The following NEGR1 variants were observed in gnomAD, a reference collection of about 807,000 sequenced individuals.
The protein encoded by NEGR1 is IgLON family member 4.
In NEGR1, 10 loss-of-function variants were observed where a neutral mutation model predicts 40.9. The ratio of observed to expected loss-of-function variants is 0.24; its 90% confidence interval spans 0.15 to 0.42. The LOEUF is 0.42. NEGR1 is among the 10% of genes least tolerant of loss of function. The pLI, the probability that NEGR1 is intolerant of heterozygous loss-of-function variation, is 1.00. For synonymous variants in NEGR1, 185 were observed against 166.8 expected, an observed-to-expected ratio of 1.11 and a Z score of -0.84; for missense variants, 352 against 438.9, an observed-to-expected ratio of 0.80 and a Z score of 1.77.
At chr1:72,119,543 G>A (rs1241743949) in intron 1 of NEGR1, among the ~76,000 whole-genome samples, 1 of 151,928 alleles carries the variant, frequency 6.6e-6, no homozygotes, top group Non-Finnish European at 1.5e-5. Context: ...ACACAATACT[G>A]CATAGGTTAT....
chr1:72,145,807 C>A (rs1378548584), intron 1 of NEGR1, among the ~76,000 whole-genome samples: 1 of 152,190 alleles, frequency 6.6e-6, no homozygotes, highest in Middle Eastern at 3.4e-3. Flanking sequence ...ACTAACATGT[C>A]ATTCTACTGA....
intron 1 of NEGR1, among the ~76,000 whole-genome samples, chr1:72,012,290 C>T (rs1646663613): frequency 3.3e-5 from 5 of 151,980 alleles, no homozygotes; most frequent in Admixed American, 3.3e-4. Flanking sequence ...TGGACTCCCC[C>T]ATGGCTAACT....
chr1:72,143,916 T>C (rs201698983), intron 1 of NEGR1, among the ~76,000 whole-genome samples: 47 of 25,794 alleles, frequency 1.8e-3, no homozygotes, highest in African/African-American at 6.3e-3. Flanking sequence ...ATATATATAA[T>C]ATATATATAT....
intron 6 of NEGR1, among the ~76,000 whole-genome samples, chr1:71,538,205 A>G (rs1318958681): frequency 6.6e-6 from 1 of 151,742 alleles, no homozygotes; most frequent in East Asian, 2.0e-4. Flanking sequence ...CATGTGTTAC[A>G]AGAAGGAACC....
At chr1:71,903,786 T>C (rs1187418540) in intron 2 of NEGR1, among the ~76,000 whole-genome samples, 1 of 151,710 alleles carries the variant, frequency 6.6e-6, no homozygotes, top group Non-Finnish European at 1.5e-5. Flanking sequence ...GCTATATCTA[T>C]ATCATCTTCC....
chr1:71,817,880 T>A (rs931094877), intron 2 of NEGR1, among the ~76,000 whole-genome samples: 3 of 152,030 alleles, frequency 2.0e-5, no homozygotes, highest in African/African-American at 7.2e-5. Flanking sequence ...GCTATTGTGT[T>A]TTTGAAATGC....
chr1:72,017,336 G>A (rs1646720986), intron 1 of NEGR1, among the ~76,000 whole-genome samples: 3 of 151,934 alleles, frequency 2.0e-5, no homozygotes, highest in African/African-American at 7.3e-5. Flanking sequence ...TGCAGTAGGT[G>A]TCTTATATTA....
intron 2 of NEGR1, among the ~76,000 whole-genome samples, chr1:71,922,662 A>T (rs1645731970): frequency 6.6e-6 from 1 of 152,186 alleles, no homozygotes; most frequent in Non-Finnish European, 1.5e-5. Context: ...TTGCATCCTA[A>T]TTCAAAAGGA....
At chr1:72,250,799 A>C (rs928236448) in intron 1 of NEGR1, among the ~76,000 whole-genome samples, 1 of 152,196 alleles carries the variant, frequency 6.6e-6, no homozygotes, top group Non-Finnish European at 1.5e-5. Context: ...TATGGAAACC[A>C]AGAAGAATGT....
intron 2 of NEGR1, among the ~76,000 whole-genome samples, chr1:71,848,214 GTGCAGCAGCAAGTGCTAATGTAGAAGC>G (rs1277984827): frequency 2.6e-5 from 4 of 152,182 alleles, no homozygotes; most frequent in Admixed American, 6.5e-5. Flanking sequence ...AAATTGCAAG[GTGCAGCAGCAAGTGCTAATGTAGAAGC>G]TGCAGCAAAT....
chr1:71,666,709 A>G (rs1570172520), intron 4 of NEGR1, among the ~76,000 whole-genome samples: 1 of 152,320 alleles, frequency 6.6e-6, no homozygotes, highest in South Asian at 2.1e-4. Context: ...CAAAGTATAG[A>G]TCTTGTTGTT....
chr1:71,671,031 T>C (rs935932790), intron 4 of NEGR1, among the ~76,000 whole-genome samples: 1 of 152,176 alleles, frequency 6.6e-6, no homozygotes, highest in Non-Finnish European at 1.5e-5. Flanking sequence ...GACACTGAAC[T>C]CAAAGAAGGT....
chr1:72,224,796 C>T (rs1654122205), intron 1 of NEGR1, among the ~76,000 whole-genome samples: 1 of 151,700 alleles, frequency 6.6e-6, no homozygotes, highest in Non-Finnish European at 1.5e-5. Context: ...AATTTTTTTG[C>T]CTGATCTATA....
At chr1:71,757,940 T>C (rs1655798263) in intron 3 of NEGR1, among the ~76,000 whole-genome samples, 8 of 152,136 alleles carry the variant, frequency 5.3e-5, no homozygotes, top group Admixed American at 5.2e-4. Context: ...TAATAATAGC[T>C]AAAAAGTTAA....
At chr1:72,275,589 A>G (rs1656020391) in intron 1 of NEGR1, among the ~76,000 whole-genome samples, 1 of 152,130 alleles carries the variant, frequency 6.6e-6, no homozygotes, top group African/African-American at 2.4e-5. Flanking sequence ...AAGAAATTTA[A>G]CTTCCTTCCA....
intron 2 of NEGR1, among the ~76,000 whole-genome samples, chr1:71,927,602 T>C (rs1275614929): frequency 6.6e-6 from 1 of 151,920 alleles, no homozygotes; most frequent in East Asian, 1.9e-4. Context: ...TATCAGACCA[T>C]TGTCTCTCTA....
intron 2 of NEGR1, among the ~76,000 whole-genome samples, chr1:71,911,264 G>A (rs1296733918): frequency 6.6e-6 from 1 of 152,014 alleles, no homozygotes; most frequent in Non-Finnish European, 1.5e-5. Flanking sequence ...TAAAAATAAA[G>A]CAATATGTAA....
rs144306919 is a variant in NEGR1 at position 72,147,088 on chromosome 1, G to A, written c.176+135231C>T. On this transcript the variant is annotated intron_variant, in intron 1 of 6. Coordinates refer to ENST00000357731, the MANE Select transcript of NEGR1 (RefSeq NM_173808.3). ...GTGTATTTGTTGTGTATGCACATAT[G>A]TGCGTCTTTGTGTTTGTATGTATCG... 9.9e-5 allele frequency among the ~76,000 whole-genome samples: 15 copies of A among 152,256 alleles called. No individual in the cohort carries two copies. The East Asian group carries it at 2.7e-3, about 27-fold the overall frequency.
intron 2 of NEGR1, among the ~76,000 whole-genome samples, chr1:71,829,656 CA>C (rs928287659): frequency 8.3e-4 from 126 of 151,922 alleles, no homozygotes; most frequent in African/African-American, 2.9e-3. Context: ...CAAAACAAAA[CA>C]AAACCCAAAA....
Sources: gnomAD v4.1 joint callset for allele counts (sites outside exome capture counted in the v4.1 genomes callset) on GRCh38, gnomAD v4.1.1 for gene constraint, MANE v1.5 for transcripts, NCBI Gene and HGNC (gene_info 2026-07-23, HGNC 2026-07-21) for gene names.